Variants in PVT1 observed in about 807,000 individuals in gnomAD.
PVT1 encodes the protein Pvt1 oncogene, also known as CXCR4/PVT1 fusion.
intron 2 of PVT1, among the ~76,000 whole-genome samples, chr8:127,817,852 A>T (rs1041095624): frequency 6.6e-6 from 1 of 152,082 alleles, no homozygotes; most frequent in Non-Finnish European, 1.5e-5. Context: ...CAACAGAGTG[A>T]CACCTTGTCT....
chr8:128,086,725 C>A (rs1208714362), intron 5 of PVT1, among the ~76,000 whole-genome samples: 2 of 152,208 alleles, frequency 1.3e-5, no homozygotes, highest in Admixed American at 6.5e-5. Flanking sequence ...CTGGTAAAAA[C>A]CAAAACATCC....
intron 4 of PVT1, among the ~76,000 whole-genome samples, chr8:128,031,596 G>A (rs1813389706): frequency 6.6e-6 from 1 of 152,186 alleles, no homozygotes; most frequent in South Asian, 2.1e-4. Context: ...AGGTCGATAA[G>A]TTAAAGTGCC....
intron 2 of PVT1, among the ~76,000 whole-genome samples, chr8:127,815,576 C>T (rs1479918353): frequency 1.3e-5 from 2 of 152,088 alleles, no homozygotes; most frequent in African/African-American, 4.8e-5. Flanking sequence ...TGCTGCTTTT[C>T]CACTTTGCAA....
At chr8:128,016,755 C>T (rs904124014) in intron 4 of PVT1, among the ~76,000 whole-genome samples, 5 of 152,218 alleles carry the variant, frequency 3.3e-5, no homozygotes, top group African/African-American at 4.8e-5. Context: ...CCAGGTGACA[C>T]GACATGGTTA....
At chr8:128,058,815 G>A (rs924970221) in intron 4 of PVT1, among the ~76,000 whole-genome samples, 1 of 152,198 alleles carries the variant, frequency 6.6e-6, no homozygotes, top group East Asian at 1.9e-4. Flanking sequence ...CATGACAGAC[G>A]ACCATGTCCT....
In PVT1 at chr8:127,798,078, G is replaced by A. The variant is rs1297773604; in HGVS notation, n.372+2007G>A. ...AGCACTTTGGGAGGCTGAGGCAGGT[G>A]GATCACCTGAGGTCAGGAGTTCGAG... On this transcript the variant is annotated intron_variant and non_coding_transcript_variant, in intron 2 of 10. Coordinates refer to ENST00000651587, the Ensembl canonical transcript of PVT1. Among the ~76,000 whole-genome samples, 9 of 151,750 alleles carry A rather than the reference G, an allele frequency of 5.9e-5. No individual in the cohort carries two copies. In the East Asian group the frequency reaches 1.6e-3, roughly 26 times the overall value.
intron 3 of PVT1, among the ~76,000 whole-genome samples, chr8:127,961,915 G>T (rs1196879828): frequency 1.3e-5 from 2 of 152,232 alleles, no homozygotes; most frequent in Non-Finnish European, 2.9e-5. Flanking sequence ...TATAAAGTGG[G>T]TAGAAATGTA....
At chr8:128,069,054 C>T (rs971211063) in intron 4 of PVT1, among the ~76,000 whole-genome samples, 2 of 152,158 alleles carry the variant, frequency 1.3e-5, no homozygotes, top group South Asian at 2.1e-4. Context: ...TTCTGTTTCA[C>T]GGAATCTTTC....
chr8:127,861,808 A>G (rs113870354), intron 2 of PVT1, among the ~76,000 whole-genome samples: 2,690 of 152,300 alleles, frequency 0.018, 36 homozygotes, highest in Non-Finnish European at 0.027. Context: ...TACTGGGCGC[A>G]TGTTGCCTGC....
intron 2 of PVT1, among the ~76,000 whole-genome samples, chr8:127,888,300 C>T (rs73357057): frequency 0.17 from 26,164 of 152,060 alleles, 2,849 homozygotes; most frequent in East Asian, 0.28. Flanking sequence ...CTTCACTAGC[C>T]GCTGCAAGTG....
chr8:127,807,596 T>C (rs1586387858), intron 2 of PVT1, among the ~76,000 whole-genome samples: 1 of 152,322 alleles, frequency 6.6e-6, no homozygotes, highest in East Asian at 1.9e-4. Flanking sequence ...GTGCTGGGAT[T>C]ACAGGGAGGA....
At chr8:127,870,935 C>T (rs1368875654) in intron 2 of PVT1, among the ~76,000 whole-genome samples, 15 of 152,202 alleles carry the variant, frequency 9.9e-5, no homozygotes, top group Admixed American at 5.9e-4. Context: ...AACTCTGTGA[C>T]GGCCACAGTC....
chr8:127,865,298 G>A (rs1452484566), intron 2 of PVT1, among the ~76,000 whole-genome samples: 1 of 152,160 alleles, frequency 6.6e-6, no homozygotes, highest in African/African-American at 2.4e-5. Context: ...GCCTGAGGAT[G>A]GGGATAAACC....
At chr8:128,095,892 T>C (rs1039242448) in intron 5 of PVT1, among the ~76,000 whole-genome samples, 7 of 152,248 alleles carry the variant, frequency 4.6e-5, no homozygotes, top group African/African-American at 1.7e-4. Flanking sequence ...CCATGCTCTT[T>C]CGGCATGGTC....
intron 3 of PVT1, among the ~76,000 whole-genome samples, chr8:127,981,647 G>A (rs1816884451): frequency 6.6e-6 from 1 of 152,178 alleles, no homozygotes. Context: ...GAATGTAAGT[G>A]TAGTACAAAA....
At chr8:127,911,931 G>T (rs996914315) in intron 3 of PVT1, among the ~76,000 whole-genome samples, 2 of 152,182 alleles carry the variant, frequency 1.3e-5, no homozygotes, top group Admixed American at 6.5e-5. Flanking sequence ...TTTACGGGTG[G>T]TGCTCGTTTC....
chr8:128,057,979 G>A lies in PVT1; in HGVS notation n.913-12181G>A, dbSNP rs1318227426. On this transcript the variant is annotated intron_variant and non_coding_transcript_variant, in intron 4 of 10. Coordinates refer to ENST00000651587, the Ensembl canonical transcript of PVT1. The stretch of plus-strand genomic sequence containing the variant: ...GATCAAAAGCTGATTGTGTGAGGGT[G>A]TAAGCCAACCCTGAGATCAAATTAG... Among the ~76,000 whole-genome samples the A allele has an allele frequency of 2.0e-5, 3 of 152,242 alleles. No homozygotes were observed. In the East Asian group the frequency reaches 5.8e-4, roughly 29 times the overall value.
At chr8:127,830,488 C>T (rs570727942) in intron 2 of PVT1, among the ~76,000 whole-genome samples, 42 of 150,792 alleles carry the variant, frequency 2.8e-4, no homozygotes, top group African/African-American at 9.0e-4. Context: ...GCAAAGAAAG[C>T]GGAGAGAAAA....
intron 3 of PVT1, among the ~76,000 whole-genome samples, chr8:127,963,143 C>G (rs1196347672): frequency 6.6e-6 from 1 of 152,174 alleles, no homozygotes; most frequent in East Asian, 1.9e-4. Flanking sequence ...AAGACAGGAT[C>G]TTTTCAGTTC....
Sources: allele counts gnomAD v4.1 joint callset (sites outside exome capture counted in the v4.1 genomes callset), GRCh38; gene constraint gnomAD v4.1.1; transcripts MANE v1.5; gene names NCBI Gene and HGNC (gene_info 2026-07-23, HGNC 2026-07-21).